GRIK2: variants seen among roughly 807,000 people sequenced by gnomAD.
GRIK2 encodes glutamate ionotropic receptor kainate type subunit 2.
GRIK2 carries 32 observed loss-of-function variants against 100.3 expected under a neutral mutation model. The observed-to-expected ratio is 0.32, with a 90% confidence interval of 0.24 to 0.43. GRIK2 has a LOEUF of 0.43. Among genes scored for constraint, GRIK2 ranks in the 20% least tolerant of loss-of-function variants. GRIK2 has a pLI of 1.00. For missense variants in GRIK2, 843 were observed against 1,114.9 expected (o/e 0.76, Z 3.47); for synonymous variants, 417 against 389.4 (o/e 1.07, Z -0.83).
intron 14 of GRIK2, among the ~76,000 whole-genome samples, chr6:102,002,331 T>C (rs1055674084): frequency 2.1e-5 from 3 of 145,486 alleles, no homozygotes; most frequent in African/African-American, 4.9e-5. Context: ...ATATATATTA[T>C]ATATGTATGT....
chr6:101,809,687 T>C (rs755029635), intron 9 of GRIK2, among the ~76,000 whole-genome samples: 12 of 152,026 alleles, frequency 7.9e-5, no homozygotes, highest in Non-Finnish European at 1.3e-4. Context: ...TCGTAAACTT[T>C]AAATTAGTCA....
intron 7 of GRIK2, among the ~76,000 whole-genome samples, chr6:101,730,683 G>A (rs1232701903): frequency 1.3e-5 from 2 of 151,166 alleles, no homozygotes; most frequent in Non-Finnish European, 3.0e-5. Flanking sequence ...TAGATCATAA[G>A]CAAGAAAAGA....
intron 7 of GRIK2, among the ~76,000 whole-genome samples, chr6:101,764,650 C>T (rs1011926758): frequency 2.6e-5 from 4 of 152,018 alleles, no homozygotes; most frequent in African/African-American, 9.7e-5. Flanking sequence ...TCATTATCAT[C>T]ATTGTTATTA....
chr6:101,430,476 C>T (rs1769313761), intron 2 of GRIK2: 1 of 214,654 alleles, frequency 4.7e-6, no homozygotes, highest in Non-Finnish European at 9.9e-6. Context: ...CTGATCCACA[C>T]CGAGTATTTG....
chr6:101,635,053 AATAAG>A (rs531885881), intron 4 of GRIK2, among the ~76,000 whole-genome samples: 213 of 152,166 alleles, frequency 1.4e-3, no homozygotes, highest in African/African-American at 4.9e-3. Flanking sequence ...CTAATTTTTG[AATAAG>A]ATAATTTTTA....
chr6:101,620,208 G>A, intron 2 of GRIK2: 2 of 890,934 alleles, frequency 2.2e-6, no homozygotes, highest in Non-Finnish European at 2.7e-6. Context: ...ATATATAAGG[G>A]TAGAGAGTAA....
At chr6:101,592,586 CACATATATATAT>C (rs1778707663) in intron 2 of GRIK2, among the ~76,000 whole-genome samples, 1 of 53,396 alleles carries the variant, frequency 1.9e-5, no homozygotes, top group African/African-American at 8.2e-5. Flanking sequence ...TTACTAATAT[CACATATATATAT>C]ATATATATAT....
intron 2 of GRIK2, among the ~76,000 whole-genome samples, chr6:101,464,926 G>T (rs1366680057): frequency 6.6e-6 from 1 of 152,132 alleles, no homozygotes; most frequent in Non-Finnish European, 1.5e-5. Context: ...TGGGGGAATT[G>T]AATTAGATTA....
At chr6:102,033,509 C>CT (rs1770108488) in intron 14 of GRIK2, among the ~76,000 whole-genome samples, 1 of 151,216 alleles carries the variant, frequency 6.6e-6, no homozygotes. Context: ...ATAAATTCTA[C>CT]TTTTTTTAAA....
chr6:101,542,873 C>T (rs940822245), intron 2 of GRIK2, among the ~76,000 whole-genome samples: 3 of 151,880 alleles, frequency 2.0e-5, no homozygotes, highest in African/African-American at 7.3e-5. Flanking sequence ...TCATCAAAGG[C>T]TATTTAAAGA....
chr6:101,944,562 C>A (rs553196633), intron 14 of GRIK2, among the ~76,000 whole-genome samples: 2 of 151,976 alleles, frequency 1.3e-5, no homozygotes, highest in Non-Finnish European at 2.9e-5. Flanking sequence ...TATTCCTACT[C>A]AAAGATGCAT....
At chr6:101,494,639 G>A (rs372141178) in intron 2 of GRIK2, among the ~76,000 whole-genome samples, 3 of 151,550 alleles carry the variant, frequency 2.0e-5, no homozygotes, top group South Asian at 4.2e-4. Flanking sequence ...TTCATATTAT[G>A]TAATACCAGG....
chr6:101,966,683 C>T (rs1279244825), intron 14 of GRIK2, among the ~76,000 whole-genome samples: 1 of 152,034 alleles, frequency 6.6e-6, no homozygotes, highest in African/African-American at 2.4e-5. Flanking sequence ...TTGACAGGCC[C>T]ATCCCCTCCT....
chr6:101,420,019 A>G (rs1278299270), intron 2 of GRIK2, among the ~76,000 whole-genome samples: 4 of 152,214 alleles, frequency 2.6e-5, no homozygotes, highest in Non-Finnish European at 5.9e-5. Context: ...GTGCAGCCCA[A>G]TGTGAAGATA....
chr6:101,491,191 A>G (rs1054715966), intron 2 of GRIK2, among the ~76,000 whole-genome samples: 3 of 151,962 alleles, frequency 2.0e-5, no homozygotes, highest in African/African-American at 7.2e-5. Flanking sequence ...TGAGGAAAAG[A>G]AGAAGTAAAA....
intron 4 of GRIK2, among the ~76,000 whole-genome samples, chr6:101,654,096 C>T (rs1781945660): frequency 6.6e-6 from 1 of 152,068 alleles, no homozygotes; most frequent in Non-Finnish European, 1.5e-5. Flanking sequence ...ACAGTAGCTG[C>T]CTAATAAATA....
chr6:102,006,390 A>ATATATATTT lies in GRIK2; in HGVS notation c.2086-28950_2086-28949insATATATTTT, dbSNP rs1315524835. Among the ~76,000 whole-genome samples the ATATATATTT allele has an allele frequency of 1.8e-3, 202 of 114,080 alleles. 1 individual carries two copies. Among genetic ancestry groups the ATATATATTT allele is most frequent in the African/African-American group, 8.7e-3 (190 of 21,894 alleles). The allele number at this position is 114,080 out of a possible 152,430, so 74.8% of individuals were successfully genotyped here. On this transcript the variant is annotated intron_variant, in intron 14 of 16. Coordinates refer to ENST00000369134, the MANE Select transcript of GRIK2 (RefSeq NM_021956.5). ...CTTTTATATATATATATATATATAT[A>ATATATATTT]TTTTTTTTTTTTTTGAGACATACAG...
chr6:101,803,818 T>A (rs1388630650), intron 9 of GRIK2, among the ~76,000 whole-genome samples: 1 of 151,978 alleles, frequency 6.6e-6, no homozygotes, highest in African/African-American at 2.4e-5. Context: ...AAATTTTCTC[T>A]GTGCTCCATT....
At chr6:101,583,234 G>A (rs1431325561) in intron 2 of GRIK2, among the ~76,000 whole-genome samples, 3 of 152,080 alleles carry the variant, frequency 2.0e-5, no homozygotes, top group Admixed American at 6.6e-5. Flanking sequence ...CTGGTGGAGG[G>A]ATAATTAGTC....
Sources: gnomAD v4.1 joint callset for allele counts (sites outside exome capture counted in the v4.1 genomes callset) on GRCh38, gnomAD v4.1.1 for gene constraint, MANE v1.5 for transcripts, NCBI Gene and HGNC (gene_info 2026-07-23, HGNC 2026-07-21) for gene names.